DNM3: variants seen among roughly 807,000 people sequenced by gnomAD.
The protein encoded by DNM3 is dynamin 3.
DNM3 carries 47 observed loss-of-function variants against 101.6 expected under a neutral mutation model. The observed-to-expected ratio is 0.46, with a 90% confidence interval of 0.37 to 0.59. The LOEUF is 0.59. Among genes scored for constraint, DNM3 ranks in the 20% least tolerant of loss-of-function variants. The probability of loss-of-function intolerance (pLI) is 0.00; values close to 1 mark genes in which losing one functional copy is unlikely to be tolerated. For synonymous variants in DNM3, 385 were observed against 387.9 expected (o/e 0.99, Z 0.09); for missense variants, 849 against 1,085.7 (o/e 0.78, Z 3.06).
At chr1:172,389,716 C>T (rs1024609753) in intron 20 of DNM3, among the ~76,000 whole-genome samples, 13 of 152,232 alleles carry the variant, frequency 8.5e-5, no homozygotes, top group African/African-American at 2.9e-4. Flanking sequence ...GAATATCTGA[C>T]TGTATATGAA....
intron 14 of DNM3, among the ~76,000 whole-genome samples, chr1:172,235,091 A>G (rs906295395): frequency 2.6e-5 from 4 of 152,186 alleles, no homozygotes; most frequent in Non-Finnish European, 5.9e-5. Flanking sequence ...AAATTTTTGC[A>G]ATCTACTCAT....
rs536286907 is a variant in DNM3, at chr1:172,400,418, A to G, written c.2523-7354A>G. Among the ~76,000 whole-genome samples the G allele has an allele frequency of 2.0e-5, 3 of 151,418 alleles. No individual in the cohort carries two copies. In the South Asian group the frequency reaches 6.3e-4, roughly 32 times the overall value. On this transcript the variant is annotated intron_variant, in intron 20 of 20. Coordinates refer to ENST00000627582, the MANE Select transcript of DNM3 (RefSeq NM_015569.5). Reference sequence around the variant, plus strand: ...GATAGAAGGGAGATAGGAAGAAAGGAGGGAAGGAGGGAAGGGGCAGGAAAG... The same window carrying G: ...GATAGAAGGGAGATAGGAAGAAAGGGGGGAAGGAGGGAAGGGGCAGGAAAG...
chr1:172,411,332 G>T lies in DNM3; in HGVS notation c.*3491G>T. The T allele has an allele frequency of 2.0e-6, 2 of 984,994 alleles. No individual in the cohort carries two copies. Among genetic ancestry groups the T allele is most frequent in the Non-Finnish European group, 2.4e-6 (2 of 829,614 alleles). The allele number at this position is 984,994 out of a possible 1,614,324, so 61.0% of individuals were successfully genotyped here. A position where few individuals can be genotyped will look rare whatever the true frequency, so the allele number is the denominator to read the frequency against. ...ATAATTACCATGACAACATGGTAATGTCCATAGACATTTGTATCTGAATCC... is the reference window on the plus strand; with the variant it reads ...ATAATTACCATGACAACATGGTAATTTCCATAGACATTTGTATCTGAATCC... On this transcript the variant is annotated 3_prime_UTR_variant, in exon 21 of 21. Transcript: ENST00000627582.
chr1:172,061,940 A>C (rs1198027315), intron 10 of DNM3, among the ~76,000 whole-genome samples: 2 of 152,184 alleles, frequency 1.3e-5, no homozygotes, highest in Admixed American at 6.5e-5. Flanking sequence ...TGTGCTTTGC[A>C]TGTAATACAT....
chr1:171,847,441 A>G (rs2032291685), intron 1 of DNM3, among the ~76,000 whole-genome samples: 1 of 152,140 alleles, frequency 6.6e-6, no homozygotes, highest in Non-Finnish European at 1.5e-5. Context: ...TCTGTGTCTC[A>G]GTTTCTGAGT....
intron 14 of DNM3, among the ~76,000 whole-genome samples, chr1:172,154,186 TA>T (rs1249365397): frequency 6.6e-6 from 1 of 152,094 alleles, no homozygotes; most frequent in Non-Finnish European, 1.5e-5. Context: ...ATCAGGTGAA[TA>T]AACACATATT....
At chr1:171,943,742 G>A (rs1228678663) in intron 2 of DNM3, among the ~76,000 whole-genome samples, 14 of 152,132 alleles carry the variant, frequency 9.2e-5, no homozygotes, top group Admixed American at 9.2e-4. Context: ...TGACCACCTT[G>A]GGCACATGTT....
At chr1:172,398,986 C>T (rs2070249411) in intron 20 of DNM3, among the ~76,000 whole-genome samples, 1 of 152,322 alleles carries the variant, frequency 6.6e-6, no homozygotes, top group East Asian at 1.9e-4. Context: ...TATATGCCTA[C>T]TCATCCATTC....
intron 2 of DNM3, among the ~76,000 whole-genome samples, chr1:171,954,540 G>T (rs1052795910): frequency 3.3e-5 from 5 of 152,182 alleles, no homozygotes; most frequent in African/African-American, 1.2e-4. Context: ...AGATAGTAAA[G>T]TGGCTGTCAA....
At chr1:172,215,974 A>C (rs2060682178) in intron 14 of DNM3, among the ~76,000 whole-genome samples, 1 of 150,550 alleles carries the variant, frequency 6.6e-6, no homozygotes, top group South Asian at 2.1e-4. Flanking sequence ...AAAAAAAGAA[A>C]GAAAACTTAA....
intron 14 of DNM3, among the ~76,000 whole-genome samples, chr1:172,220,535 C>G (rs1231211352): frequency 6.6e-6 from 1 of 152,132 alleles, no homozygotes; most frequent in East Asian, 1.9e-4. Context: ...AGTAAGTTGA[C>G]AGATGAGCTT....
At chr1:172,008,875 T>G (rs1008880931) in intron 4 of DNM3, among the ~76,000 whole-genome samples, 3 of 139,116 alleles carry the variant, frequency 2.2e-5, no homozygotes, top group African/African-American at 7.9e-5. Context: ...ATAAATAATA[T>G]TAATATATTA....
chr1:172,089,904 T>G (rs982812985), intron 12 of DNM3, among the ~76,000 whole-genome samples: 3 of 152,190 alleles, frequency 2.0e-5, no homozygotes, highest in Non-Finnish European at 4.4e-5. Flanking sequence ...CCTCTAGCCC[T>G]CCTCTCTGTC....
intron 10 of DNM3, among the ~76,000 whole-genome samples, chr1:172,059,463 T>G (rs1258417229): frequency 1.8e-5 from 2 of 111,244 alleles, no homozygotes; most frequent in African/African-American, 7.7e-5. Flanking sequence ...ACTGGCAAAC[T>G]GAATCCAGCA....
At chr1:172,067,603 G>A (rs1320116728) in intron 10 of DNM3, among the ~76,000 whole-genome samples, 2 of 151,920 alleles carry the variant, frequency 1.3e-5, no homozygotes, top group Admixed American at 6.6e-5. Flanking sequence ...TCTTCTCCAC[G>A]GCCATTCTCA....
At chr1:172,133,168 A>G (rs1169421088) in intron 14 of DNM3, 2 of 1,328,844 alleles carry the variant, frequency 1.5e-6, no homozygotes, top group South Asian at 2.1e-5. Context: ...GGAGTGTGGC[A>G]TTAGTCTGGC....
At chr1:172,016,883 A>C (rs1044308670) in intron 4 of DNM3, among the ~76,000 whole-genome samples, 1 of 152,074 alleles carries the variant, frequency 6.6e-6, no homozygotes, top group Admixed American at 6.5e-5. Context: ...TTGAAAAAAA[A>C]CCATCTTAAT....
At chr1:172,215,219 G>A (rs567269883) in intron 14 of DNM3, among the ~76,000 whole-genome samples, 1 of 152,152 alleles carries the variant, frequency 6.6e-6, no homozygotes, top group African/African-American at 2.4e-5. Context: ...CATGTCTATT[G>A]CACTTTTGAA....
At chr1:171,887,627 T>G (rs2036892760) in intron 1 of DNM3, among the ~76,000 whole-genome samples, 1 of 152,126 alleles carries the variant, frequency 6.6e-6, no homozygotes. Context: ...TTAATTTATT[T>G]TTTTTTGTTT....
Sources: allele counts gnomAD v4.1 joint callset (sites outside exome capture counted in the v4.1 genomes callset), GRCh38; gene constraint gnomAD v4.1.1; transcripts MANE v1.5; gene names NCBI Gene and HGNC (gene_info 2026-07-23, HGNC 2026-07-21).